Variants in FMN2 observed in about 807,000 individuals in gnomAD.
The protein encoded by FMN2 is formin 2.
In FMN2, 51 loss-of-function variants were observed where a neutral mutation model predicts 142.3. The ratio of observed to expected loss-of-function variants is 0.36; its 90% confidence interval spans 0.29 to 0.45. The LOEUF (loss-of-function observed/expected upper bound fraction) is 0.45, where lower values mean the gene tolerates loss of function less well. Among genes scored for constraint, FMN2 ranks in the 20% least tolerant of loss-of-function variants. The pLI, the probability that FMN2 is intolerant of heterozygous loss-of-function variation, is 1.00. For synonymous variants in FMN2, 882 were observed against 869.8 expected (o/e 1.01, Z -0.25); for missense variants, 1,936 against 2,122.8 (o/e 0.91, Z 1.73).
chr1:240,295,220 A>G (rs61829203), intron 8 of FMN2, among the ~76,000 whole-genome samples: 6 of 149,048 alleles, frequency 4.0e-5, no homozygotes, highest in Admixed American at 3.3e-4. Context: ...ACACACACAC[A>G]CACACTCACA....
At chr1:240,266,575 G>A (rs181238753) in intron 7 of FMN2, among the ~76,000 whole-genome samples, 2 of 152,026 alleles carry the variant, frequency 1.3e-5, no homozygotes, top group African/African-American at 2.4e-5. Flanking sequence ...ATGTTCCGTG[G>A]TATATATGTA....
intron 2 of FMN2, among the ~76,000 whole-genome samples, chr1:240,177,434 C>G (rs1664965973): frequency 6.6e-6 from 1 of 151,784 alleles, no homozygotes; most frequent in Non-Finnish European, 1.5e-5. Context: ...AACCTGGACC[C>G]CAGATAAGTC....
rs1417997863 is a variant in FMN2 at position 240,091,895 on chromosome 1, G to T, written c.-215G>T. The T allele has an allele frequency of 2.7e-6, 2 of 753,970 alleles. No homozygotes were observed. Among genetic ancestry groups the T allele is most frequent in the Middle Eastern group, 4.2e-4 (1 of 2,386 alleles). 46.7% of individuals were successfully genotyped at this position (753,970 alleles called of 1,614,324 possible). A position where few individuals can be genotyped will look rare whatever the true frequency, so the allele number is the denominator to read the frequency against. On this transcript the variant is annotated 5_prime_UTR_variant, in exon 1 of 18. Coordinates refer to ENST00000319653, the MANE Select transcript of FMN2 (RefSeq NM_020066.5). ...CCGGCCCCTAGCCGCAGCCGCAGCC[G>T]CAGCGACGGCAGCCACGGGAGCCGC...
At chr1:240,310,592 T>G (rs756486214) in intron 8 of FMN2, among the ~76,000 whole-genome samples, 1 of 152,202 alleles carries the variant, frequency 6.6e-6, no homozygotes, top group Non-Finnish European at 1.5e-5. Context: ...CAAAAATCAT[T>G]ACAGTTTATT....
Position 240,238,938 on chromosome 1 carries a change from C to T in FMN2, c.4066-19007C>T, listed in dbSNP as rs184637725. ...AAGAACAGGCAGAAGTTATCTGTGACGATAGAAGTTAGAAGGAGACTTTTG... is the reference window on the plus strand; with the variant it reads ...AAGAACAGGCAGAAGTTATCTGTGATGATAGAAGTTAGAAGGAGACTTTTG... On this transcript the variant is annotated intron_variant, in intron 6 of 17. Coordinates refer to ENST00000319653, the MANE Select transcript of FMN2 (RefSeq NM_020066.5). Among the ~76,000 whole-genome samples the T allele has an allele frequency of 9.9e-5, 15 of 151,648 alleles. 1 individual carries two copies. The South Asian group carries it at 2.3e-3, about 23-fold the overall frequency.
At chr1:240,135,323 A>G (rs970820784) in intron 2 of FMN2, among the ~76,000 whole-genome samples, 2 of 151,594 alleles carry the variant, frequency 1.3e-5, no homozygotes, top group Admixed American at 1.3e-4. Flanking sequence ...CAGTCAATAC[A>G]TATAAATAGG....
chr1:240,355,351 G>A (rs1452314364), intron 13 of FMN2, among the ~76,000 whole-genome samples: 2 of 152,076 alleles, frequency 1.3e-5, no homozygotes. Flanking sequence ...TGGTCTTTAG[G>A]AATAAACTTT....
At chr1:240,180,362 C>T (rs1466521699) in intron 3 of FMN2, among the ~76,000 whole-genome samples, 1 of 152,050 alleles carries the variant, frequency 6.6e-6, no homozygotes, top group Admixed American at 6.6e-5. Flanking sequence ...AGAACCATAC[C>T]ACACTCTCTT....
At chr1:240,451,922 A>G (rs1676061854) in intron 16 of FMN2, among the ~76,000 whole-genome samples, 2 of 152,210 alleles carry the variant, frequency 1.3e-5, no homozygotes, top group East Asian at 3.9e-4. Flanking sequence ...TCTGAAAAAT[A>G]AAAAAACTTA....
intron 15 of FMN2, among the ~76,000 whole-genome samples, chr1:240,417,204 GC>G (rs1674605231): frequency 6.7e-6 from 1 of 149,232 alleles, no homozygotes; most frequent in African/African-American, 2.5e-5. Context: ...GAATCAGTTT[GC>G]CCTGTGTGTG....
At chr1:240,448,391 T>C (rs2103202484) in intron 16 of FMN2, among the ~76,000 whole-genome samples, 1 of 152,350 alleles carries the variant, frequency 6.6e-6, no homozygotes, top group South Asian at 2.1e-4. Flanking sequence ...TGTGTGTATG[T>C]GTTTTGAACA....
chr1:240,391,173 C>G (rs1000552088), intron 14 of FMN2, among the ~76,000 whole-genome samples: 17 of 151,964 alleles, frequency 1.1e-4, no homozygotes, highest in African/African-American at 4.1e-4. Context: ...AACAATCTGA[C>G]ATACAAAAAG....
intron 15 of FMN2, among the ~76,000 whole-genome samples, chr1:240,424,837 T>C (rs1674883625): frequency 6.6e-6 from 1 of 152,312 alleles, no homozygotes; most frequent in Admixed American, 6.5e-5. Flanking sequence ...GGCTTGAGGT[T>C]AATAGACTGC....
intron 6 of FMN2, among the ~76,000 whole-genome samples, chr1:240,251,065 T>C (rs561246340): frequency 6.6e-6 from 1 of 152,206 alleles, no homozygotes; most frequent in Admixed American, 6.5e-5. Flanking sequence ...TGTGGGTTTT[T>C]TTAGTCTTTA....
At chr1:240,255,985 G>A (rs748412724) in intron 6 of FMN2, among the ~76,000 whole-genome samples, 4 of 152,154 alleles carry the variant, frequency 2.6e-5, no homozygotes, top group African/African-American at 7.2e-5. Context: ...GAACTGAGAA[G>A]AAATGTTAGG....
intron 15 of FMN2, chr1:240,400,768 G>C (rs1372814545): frequency 6.6e-6 from 1 of 152,128 alleles, no homozygotes; most frequent in Non-Finnish European, 1.5e-5. Context: ...TCTTTTGCTT[G>C]AATTGGCCAA....
intron 15 of FMN2, among the ~76,000 whole-genome samples, chr1:240,395,461 G>T (rs925377307): frequency 2.6e-5 from 4 of 152,190 alleles, no homozygotes; most frequent in Non-Finnish European, 5.9e-5. Flanking sequence ...AGAGATCTGG[G>T]TGAAGTAAAT....
chr1:240,113,557 C>CAAAA (rs34741987), intron 1 of FMN2, among the ~76,000 whole-genome samples: 25 of 88,422 alleles, frequency 2.8e-4, no homozygotes, highest in African/African-American at 9.0e-4. Flanking sequence ...GACTCCGTCT[C>CAAAA]AAAAAAAAAA....
At chr1:240,321,844 A>G (rs1361186552) in intron 8 of FMN2, among the ~76,000 whole-genome samples, 3 of 152,214 alleles carry the variant, frequency 2.0e-5, no homozygotes, top group African/African-American at 4.8e-5. Context: ...TTTTACATTA[A>G]TGGACTTTTA....
Sources: gnomAD v4.1 joint callset for allele counts (sites outside exome capture counted in the v4.1 genomes callset) on GRCh38, gnomAD v4.1.1 for gene constraint, MANE v1.5 for transcripts, NCBI Gene and HGNC (gene_info 2026-07-23, HGNC 2026-07-21) for gene names.